The following VAPA variants were observed in gnomAD, a reference collection of about 807,000 sequenced individuals.
VAPA encodes VAMP associated protein A, also known as vesicle-associated membrane protein-associated protein A.
Under a neutral mutation model 25.6 loss-of-function variants are expected in VAPA, and 6 were observed. That is an observed-to-expected ratio of 0.23 (90% CI 0.13 to 0.46). The LOEUF (loss-of-function observed/expected upper bound fraction) is 0.46, where lower values mean the gene tolerates loss of function less well. Ranked by LOEUF, VAPA falls within the 20% of genes least tolerant of loss-of-function variation. VAPA has a pLI of 0.99. For missense variants in VAPA, 244 were observed against 302.1 expected, an observed-to-expected ratio of 0.81 and a Z score of 1.43; for synonymous variants, 112 against 106.2, an observed-to-expected ratio of 1.05 and a Z score of -0.34.
intron 1 of VAPA, among the ~76,000 whole-genome samples, chr18:9,925,302 T>C (rs1228251417): frequency 2.0e-5 from 3 of 152,098 alleles, no homozygotes; most frequent in Non-Finnish European, 2.9e-5. Flanking sequence ...GATTGTATAA[T>C]ATGGACAGTG....
chr18:9,938,528 C>T (rs183129650), intron 4 of VAPA, among the ~76,000 whole-genome samples: 1 of 152,154 alleles, frequency 6.6e-6, no homozygotes, highest in Non-Finnish European at 1.5e-5. Flanking sequence ...TCTGTTTTAG[C>T]GCTTGAACAA....
rs764872959 is a variant in VAPA, at chr18:9,914,055, G to T, written c.-202G>T. On this transcript the variant is annotated 5_prime_UTR_variant, in exon 1 of 6. Coordinates refer to ENST00000400000, the MANE Select transcript of VAPA (RefSeq NM_194434.3). ...CGCGTGGCCGTGGCGGCTGGTGTGG[G>T]GTTGAGTCAGTTGTGGGACCCGGAG... The T allele has an allele frequency of 8.3e-5, 42 of 507,494 alleles. No individual in the cohort carries two copies. The highest frequency in any genetic ancestry group is 1.4e-4 in the Non-Finnish European group (39 of 288,580). The allele number at this position is 507,494 out of a possible 1,614,324, so 31.4% of individuals were successfully genotyped here.
At chr18:9,942,307 A>G (rs2069373882) in intron 4 of VAPA, among the ~76,000 whole-genome samples, 1 of 152,194 alleles carries the variant, frequency 6.6e-6, no homozygotes, top group Non-Finnish European at 1.5e-5. Flanking sequence ...TCAAAATTTC[A>G]TTTTTGGTAG....
chr18:9,937,218 C>CA, intron 4 of VAPA, 152 bp downstream of exon 4: 1 of 205,258 alleles, frequency 4.9e-6, no homozygotes, highest in Non-Finnish European at 8.9e-6. Flanking sequence ...CTTGGTATGC[C>CA]TTTTTTTTTT....
At position 9,914,378 on chromosome 18, in the gene VAPA, G is replaced by A. The variant is rs754223983; in HGVS notation, c.79+43G>A. The A allele has an allele frequency of 7.2e-6, 11 of 1,525,552 alleles. No individual in the cohort carries two copies. In the South Asian group the frequency reaches 1.3e-4, roughly 18 times the overall value. The allele number at this position is 1,525,552 out of a possible 1,614,324, so 94.5% of individuals were successfully genotyped here. On this transcript the variant is annotated intron_variant, in intron 1 of 5. Transcript: ENST00000400000. The stretch of plus-strand genomic sequence containing the variant: ...ACCCCCGGGTGGGGTGGGGCGCGCG[G>A]ACCGCTGGCTGTCGGCGGGGGGGCG...
intron 2 of VAPA, among the ~76,000 whole-genome samples, chr18:9,932,591 C>T (rs2143344176): frequency 6.6e-6 from 1 of 152,306 alleles, no homozygotes; most frequent in Non-Finnish European, 1.5e-5. Flanking sequence ...TTCTCAGTCC[C>T]TCTGACTTCA....
At chr18:9,950,589 A>G (rs2069479852) in intron 5 of VAPA, 21 bp downstream of exon 5, 3 of 1,604,338 alleles carry the variant, frequency 1.9e-6, no homozygotes, top group Non-Finnish European at 2.5e-6. Flanking sequence ...TTGGTTGAAA[A>G]TAAATTGATT....
At chr18:9,952,946 C>G (rs1027548274) in intron 5 of VAPA, among the ~76,000 whole-genome samples, 2 of 152,128 alleles carry the variant, frequency 1.3e-5, no homozygotes, top group Non-Finnish European at 2.9e-5. Context: ...ATTAGGTGTA[C>G]TCTTTTAGTT....
chr18:9,916,430 A>G (rs530887217), intron 1 of VAPA, among the ~76,000 whole-genome samples: 11 of 152,328 alleles, frequency 7.2e-5, no homozygotes, highest in Admixed American at 7.2e-4. Context: ...GAAGCATTTA[A>G]GGAAAAGGCT....
intron 2 of VAPA, among the ~76,000 whole-genome samples, chr18:9,934,504 C>T (rs957017804): frequency 6.6e-5 from 10 of 152,156 alleles, no homozygotes; most frequent in African/African-American, 2.4e-4. Flanking sequence ...GTGTATTTGG[C>T]CCCTTGAAAA....
intron 2 of VAPA, among the ~76,000 whole-genome samples, 170 bp downstream of exon 2, chr18:9,932,132 C>A (rs975355439): frequency 6.6e-6 from 1 of 152,232 alleles, no homozygotes; most frequent in Non-Finnish European, 1.5e-5. Context: ...CAGAAAATTT[C>A]TCACTCATCT....
At chr18:9,944,820 A>G (rs939195957) in intron 4 of VAPA, 2 of 1,353,780 alleles carry the variant, frequency 1.5e-6, no homozygotes, top group South Asian at 1.5e-5. Flanking sequence ...ATAAAGTGTT[A>G]ATGTTTAGAG....
At chr18:9,934,364 C>T (rs923160754) in intron 2 of VAPA, among the ~76,000 whole-genome samples, 7 of 152,140 alleles carry the variant, frequency 4.6e-5, no homozygotes, top group African/African-American at 7.2e-5. Context: ...TGTAAGTTTT[C>T]GTTTTATTCA....
intron 4 of VAPA, among the ~76,000 whole-genome samples, chr18:9,943,841 CTTTTTTTTTTTTTTTTTTTTTTTTTT>C (rs71169911): frequency 5.8e-5 from 3 of 51,716 alleles, no homozygotes; most frequent in Non-Finnish European, 7.5e-5. Context: ...ACATATTTCC[CTTTTTTTTTTTTTTTTTTTTTTTTTT>C]TTTTTTTTTT....
intron 5 of VAPA, among the ~76,000 whole-genome samples, chr18:9,953,549 C>G (rs1036298988): frequency 6.6e-6 from 1 of 152,266 alleles, no homozygotes; most frequent in Non-Finnish European, 1.5e-5. Flanking sequence ...TCTGCTGTTC[C>G]GGTTCCTTAG....
intron 4 of VAPA, among the ~76,000 whole-genome samples, chr18:9,937,702 A>C (rs2069325794): frequency 6.6e-6 from 1 of 152,164 alleles, no homozygotes; most frequent in Non-Finnish European, 1.5e-5. Flanking sequence ...TGCAAATTTG[A>C]ATCTTTTCCT....
chr18:9,926,694 A>G (rs1019909594), intron 1 of VAPA, among the ~76,000 whole-genome samples: 1 of 152,128 alleles, frequency 6.6e-6, no homozygotes. Flanking sequence ...GGAATCTTTC[A>G]TAGTGGGCTG....
intron 1 of VAPA, among the ~76,000 whole-genome samples, chr18:9,925,835 A>G (rs1290976625): frequency 6.6e-6 from 1 of 152,242 alleles, no homozygotes; most frequent in South Asian, 2.1e-4. Flanking sequence ...AATCTTTTTC[A>G]TATATTGCTA....
intron 1 of VAPA, among the ~76,000 whole-genome samples, chr18:9,918,578 A>T (rs993925466): frequency 1.3e-5 from 2 of 151,818 alleles, no homozygotes; most frequent in Non-Finnish European, 2.9e-5. Flanking sequence ...TAATTTTCTT[A>T]TTTGCTCCAT....
Sources: gnomAD v4.1 joint callset for allele counts (sites outside exome capture counted in the v4.1 genomes callset) on GRCh38, gnomAD v4.1.1 for gene constraint, MANE v1.5 for transcripts, NCBI Gene and HGNC (gene_info 2026-07-23, HGNC 2026-07-21) for gene names.